CFAP44: variants seen among roughly 807,000 people sequenced by gnomAD.
CFAP44 encodes the protein cilia and flagella associated protein 44, also known as cilia- and flagella-associated protein 44.
A neutral mutation model predicts 216.2 loss-of-function variants in CFAP44; 134 were observed. The observed-to-expected ratio is 0.62, with a 90% CI of 0.54 to 0.72. The LOEUF is 0.72. Ranked by LOEUF, CFAP44 falls within the 30% of genes least tolerant of loss-of-function variation. The pLI is 0.00. For missense variants in CFAP44, 2,035 were observed against 2,182.1 expected, an observed-to-expected ratio of 0.93 and a Z score of 1.34; for synonymous variants, 700 against 727.6, an observed-to-expected ratio of 0.96 and a Z score of 0.61.
intron 19 of CFAP44, among the ~76,000 whole-genome samples, chr3:113,365,613 T>C (rs1950579592): frequency 1.3e-5 from 2 of 152,168 alleles, no homozygotes; most frequent in South Asian, 4.1e-4. Flanking sequence ...ATTCTAATAC[T>C]AAAAACAACT....
At chr3:113,346,448 G>A (rs1950383526) in intron 22 of CFAP44, among the ~76,000 whole-genome samples, 1 of 151,908 alleles carries the variant, frequency 6.6e-6, no homozygotes, top group Admixed American at 6.6e-5. Flanking sequence ...AGCACTCTGT[G>A]TCTAGCTAAA....
intron 3 of CFAP44, 165 bp downstream of exon 3, chr3:113,427,022 G>A (rs1934977846): frequency 1.5e-6 from 1 of 670,274 alleles, no homozygotes; most frequent in Non-Finnish European, 2.5e-6. Context: ...CACAAGTCTA[G>A]GGCTGCTAAA....
At chr3:113,318,618 C>T (rs1419838147) in intron 28 of CFAP44, among the ~76,000 whole-genome samples, 1 of 152,116 alleles carries the variant, frequency 6.6e-6, no homozygotes, top group Non-Finnish European at 1.5e-5. Flanking sequence ...CCAAGGCACA[C>T]AGTCATCAGA....
At chr3:113,307,270 C>T (rs1033261347) in intron 29 of CFAP44, among the ~76,000 whole-genome samples, 2 of 152,194 alleles carry the variant, frequency 1.3e-5, no homozygotes, top group Non-Finnish European at 2.9e-5. Flanking sequence ...ATGTAAATTA[C>T]AGTCTGGCAT....
At chr3:113,356,496 C>T (rs897123697) in intron 22 of CFAP44, among the ~76,000 whole-genome samples, 3 of 152,072 alleles carry the variant, frequency 2.0e-5, no homozygotes, top group African/African-American at 4.8e-5. Flanking sequence ...CCTGGATAGA[C>T]AGATAGGCCA....
chr3:113,384,506 A>T (rs1243615584), intron 15 of CFAP44, among the ~76,000 whole-genome samples: 2 of 152,208 alleles, frequency 1.3e-5, no homozygotes, highest in Admixed American at 6.5e-5. Context: ...TTTAAAAGAG[A>T]TAAGTTAAAA....
At chr3:113,425,232 C>G (rs1934928233) in intron 4 of CFAP44, among the ~76,000 whole-genome samples, 1 of 152,156 alleles carries the variant, frequency 6.6e-6, no homozygotes, top group South Asian at 2.1e-4. Flanking sequence ...AAAAGCAAAA[C>G]TGAGTCAGGG....
In CFAP44 at chr3:113,312,238, AT is replaced by A. The variant is rs769734983; in HGVS notation, c.4517-3971del. Among the ~76,000 whole-genome samples the A allele has an allele frequency of 7.2e-3, 939 of 130,672 alleles. 6 individuals are homozygous for A. Among genetic ancestry groups the A allele is most frequent in the South Asian group, 0.018 (70 of 4,000 alleles). 85.7% of individuals were successfully genotyped at this position (130,672 alleles called of 152,430 possible). On this transcript the variant is annotated intron_variant, in intron 28 of 34. Coordinates refer to ENST00000393845, the MANE Select transcript of CFAP44 (RefSeq NM_001164496.2). ...AGGTGCCCGCCACCATGCCTGGCTA[AT>A]TTTTTTTTTTTTTTTTTGTATTTTT...
At chr3:113,318,745 A>G (rs1168733098) in intron 28 of CFAP44, among the ~76,000 whole-genome samples, 7 of 152,166 alleles carry the variant, frequency 4.6e-5, no homozygotes, top group Admixed American at 3.3e-4. Context: ...GAAATCTTAC[A>G]AGCAAGAAGA....
At chr3:113,299,100 A>G (rs1034546229) in intron 32 of CFAP44, among the ~76,000 whole-genome samples, 5 of 152,266 alleles carry the variant, frequency 3.3e-5, no homozygotes, top group Admixed American at 1.3e-4. Context: ...AAGCCACCAT[A>G]AAACAATCAA....
At chr3:113,338,930 G>A (rs542512054) in intron 24 of CFAP44, among the ~76,000 whole-genome samples, 1 of 152,258 alleles carries the variant, frequency 6.6e-6, no homozygotes, top group African/African-American at 2.4e-5. Flanking sequence ...CTCTGCTGGG[G>A]GTGCCTCTGA....
chr3:113,381,381 T>C (rs1933504929), intron 15 of CFAP44, among the ~76,000 whole-genome samples: 1 of 152,230 alleles, frequency 6.6e-6, no homozygotes, highest in African/African-American at 2.4e-5. Context: ...TATGTGGTTG[T>C]GAAATCTGTT....
At chr3:113,335,046 A>G (rs909581112) in intron 24 of CFAP44, among the ~76,000 whole-genome samples, 7 of 152,184 alleles carry the variant, frequency 4.6e-5, no homozygotes, top group African/African-American at 1.4e-4. Flanking sequence ...GGAGAAAGGG[A>G]GAAAGGAAAG....
intron 15 of CFAP44, 115 bp from the exon 16 acceptor site, chr3:113,381,175 CTT>C: frequency 3.1e-6 from 2 of 650,002 alleles, no homozygotes; most frequent in Non-Finnish European, 2.3e-6. Context: ...TTAAAACACA[CTT>C]AATTCCTCAC....
At chr3:113,378,237 A>G (rs1364654206) in intron 17 of CFAP44, among the ~76,000 whole-genome samples, 2 of 152,146 alleles carry the variant, frequency 1.3e-5, no homozygotes, top group African/African-American at 4.8e-5. Flanking sequence ...CTTTCCCTCA[A>G]ATGAAGACTT....
At chr3:113,382,169 G>C (rs1933532314) in intron 15 of CFAP44, among the ~76,000 whole-genome samples, 1 of 152,140 alleles carries the variant, frequency 6.6e-6, no homozygotes, top group South Asian at 2.1e-4. Context: ...GAGCCTTAGG[G>C]AAACTTAATA....
rs1454158544 is a variant in CFAP44 at position 113,306,243 on chromosome 3, A to G, written c.4716T>C (p.Ile1572=). Residue 1572 remains isoleucine (I), a synonymous_variant, in exon 30 of 35, where the codon ATT becomes ATC. Transcript: ENST00000393845. ...IEEALVEEKK[I]VDNLKKEYDT... ...CATATTCCTTTTTGAGGTTATCAAC[A>G]ATTTTCTTTTCTTCAACTAAAGCCT... is the stretch of plus-strand genomic sequence containing the variant. The G allele has an allele frequency of 1.3e-6, 2 of 1,537,082 alleles. No individual in the cohort carries two copies. Among genetic ancestry groups the G allele is most frequent in the Non-Finnish European group, 1.7e-6 (2 of 1,146,756 alleles).
At chr3:113,423,870 G>C (rs1934888593) in intron 4 of CFAP44, among the ~76,000 whole-genome samples, 1 of 152,174 alleles carries the variant, frequency 6.6e-6, no homozygotes, top group Non-Finnish European at 1.5e-5. Context: ...GACTGAAAAA[G>C]GAAAGTGACA....
chr3:113,362,077 T>C (rs1214076438), intron 21 of CFAP44, among the ~76,000 whole-genome samples: 1 of 151,412 alleles, frequency 6.6e-6, no homozygotes, highest in Non-Finnish European at 1.5e-5. Flanking sequence ...AGCTTCACAG[T>C]CAAATCCTCA....
Sources: allele counts gnomAD v4.1 joint callset (sites outside exome capture counted in the v4.1 genomes callset), GRCh38; gene constraint gnomAD v4.1.1; transcripts MANE v1.5; gene names NCBI Gene and HGNC (gene_info 2026-07-23, HGNC 2026-07-21).